MYO6: variants seen among roughly 807,000 people sequenced by gnomAD.
The protein encoded by MYO6 is unconventional myosin-VI.
A neutral mutation model predicts 178.7 loss-of-function variants in MYO6; 74 were observed. The ratio of observed to expected loss-of-function variants is 0.41; its 90% CI spans 0.34 to 0.50. The LOEUF (loss-of-function observed/expected upper bound fraction) is 0.50, where lower values mean the gene tolerates loss of function less well. Among genes scored for constraint, MYO6 ranks in the 20% least tolerant of loss-of-function variants. The pLI is 0.09. For synonymous variants in MYO6, 477 were observed against 504.6 expected (o/e 0.95, Z 0.73); for missense variants, 1,330 against 1,547.4 (o/e 0.86, Z 2.36).
At chr6:75,890,458 C>T (rs1460440459) in intron 26 of MYO6, among the ~76,000 whole-genome samples, 193 bp downstream of exon 26, 1 of 152,158 alleles carries the variant, frequency 6.6e-6, no homozygotes, top group African/African-American at 2.4e-5. Context: ...GATTTTCCTG[C>T]CTCAGCCTCC....
chr6:75,881,551 C>T (rs943806289), intron 22 of MYO6, 138 bp from the exon 23 acceptor site: 1 of 787,882 alleles, frequency 1.3e-6, no homozygotes, highest in Non-Finnish European at 2.0e-6. Context: ...GTTGTATTCT[C>T]TGCCAAGGCC....
At chr6:75,868,234 T>C (rs1776854938) in intron 18 of MYO6, among the ~76,000 whole-genome samples, 1 of 151,840 alleles carries the variant, frequency 6.6e-6, no homozygotes, top group Non-Finnish European at 1.5e-5. Context: ...CATTTTTAGG[T>C]AACTGAATAA....
intron 18 of MYO6, among the ~76,000 whole-genome samples, chr6:75,868,413 C>T (rs1776872821): frequency 6.6e-6 from 1 of 151,818 alleles, no homozygotes; most frequent in Non-Finnish European, 1.5e-5. Flanking sequence ...TCACTATTTT[C>T]CTACTCTAAT....
chr6:75,889,246 C>A (rs1477739462), intron 25 of MYO6, among the ~76,000 whole-genome samples: 1 of 152,094 alleles, frequency 6.6e-6, no homozygotes, highest in Non-Finnish European at 1.5e-5. Context: ...TATGTGGTAT[C>A]ATTATAAATT....
At chr6:75,776,225 C>T (rs1467811296) in intron 1 of MYO6, among the ~76,000 whole-genome samples, 1 of 151,964 alleles carries the variant, frequency 6.6e-6, no homozygotes, top group African/African-American at 2.4e-5. Flanking sequence ...ATAATTTTAT[C>T]CTGTGCACTG....
chr6:75,902,025 A>G (rs909623790), intron 30 of MYO6, among the ~76,000 whole-genome samples: 2 of 152,208 alleles, frequency 1.3e-5, no homozygotes, highest in Admixed American at 6.5e-5. Context: ...GCTGGCTTAC[A>G]TTTATTGATT....
chr6:75,803,478 T>G (rs1178705554), intron 1 of MYO6, among the ~76,000 whole-genome samples: 1 of 152,208 alleles, frequency 6.6e-6, no homozygotes. Flanking sequence ...TCAACTAGAC[T>G]TTCAGAAGGG....
intron 1 of MYO6, among the ~76,000 whole-genome samples, chr6:75,813,784 C>CA (rs970354563): frequency 7.9e-5 from 12 of 152,114 alleles, no homozygotes; most frequent in African/African-American, 2.9e-4. Context: ...TTCTTCCCCC[C>CA]AAATCAGTGA....
chr6:75,863,338 G>A (rs9360947), intron 16 of MYO6, among the ~76,000 whole-genome samples: 19,533 of 152,110 alleles, frequency 0.13, 1,326 homozygotes, highest in Non-Finnish European at 0.15. Flanking sequence ...TCTTTCCTAA[G>A]GAGTTTTGAG....
In MYO6 at chr6:75,844,989, C is replaced by A. The variant is rs1289011262; in HGVS notation, c.897+12C>A. On this transcript the variant is annotated intron_variant, in intron 10 of 34. Transcript: ENST00000369977. The stretch of plus-strand genomic sequence containing the variant: ...GCAAAAGTCCTGAGGTATAGTAGAC[C>A]ATTGTTCATAAAATCTTTAACTTAA... 18 of 1,591,780 alleles carry A rather than the reference C, an allele frequency of 1.1e-5. No individual in the cohort carries two copies. Among genetic ancestry groups the A allele is most frequent in the Non-Finnish European group, 1.5e-5 (18 of 1,161,340 alleles).
rs73751252 is a variant in MYO6 at position 75,757,412 on chromosome 6, T to C, written c.-48+7989T>C. Reference sequence around the variant, plus strand: ...ACACATATATATACACACACACACATAGAGACAGACTTCTGATGTTCTGCT... The same window carrying C: ...ACACATATATATACACACACACACACAGAGACAGACTTCTGATGTTCTGCT... On this transcript the variant is annotated intron_variant, in intron 1 of 34. Coordinates refer to ENST00000369977, the MANE Select transcript of MYO6 (RefSeq NM_004999.4). Among the ~76,000 whole-genome samples, 284 of 150,130 alleles carry C rather than the reference T, an allele frequency of 1.9e-3. 1 individual carries two copies. The highest frequency in any genetic ancestry group is 3.6e-3 in the South Asian group (17 of 4,714).
intron 16 of MYO6, 128 bp downstream of exon 16, chr6:75,862,851 A>G: frequency 9.4e-7 from 1 of 1,066,034 alleles, no homozygotes; most frequent in South Asian, 1.3e-5. Flanking sequence ...ACTATATTAT[A>G]TCCAGCACAG....
chr6:75,816,035 A>G (rs1292332836), intron 1 of MYO6, among the ~76,000 whole-genome samples: 1 of 152,222 alleles, frequency 6.6e-6, no homozygotes, highest in East Asian at 1.9e-4. Flanking sequence ...GTTAAATCTC[A>G]GAATGCTAAG....
intron 30 of MYO6, among the ~76,000 whole-genome samples, chr6:75,904,347 C>T (rs1414882592): frequency 3.3e-5 from 5 of 151,750 alleles, no homozygotes; most frequent in Non-Finnish European, 5.9e-5. Flanking sequence ...CCATTCTCCC[C>T]GTCACTTTCA....
chr6:75,802,153 A>G (rs1769531594), intron 1 of MYO6, among the ~76,000 whole-genome samples: 1 of 152,032 alleles, frequency 6.6e-6, no homozygotes, highest in South Asian at 2.1e-4. Flanking sequence ...AACTCCCTGT[A>G]AAAAGCATGT....
Position 75,848,612 on chromosome 6 carries a change from A to C in MYO6, c.1078+81A>C, listed in dbSNP as rs1056369022. The stretch of plus-strand genomic sequence containing the variant: ...TTTGTCATATGAAAATTGTCTCTTT[A>C]TATGCAGTTTGCTTAAAAACTTTAA... On this transcript the variant is annotated intron_variant, in intron 11 of 34. Coordinates refer to ENST00000369977, the MANE Select transcript of MYO6 (RefSeq NM_004999.4). 2.9e-5 allele frequency: 41 copies of C among 1,421,324 alleles called. No individual in the cohort carries two copies. In the African/African-American group the frequency reaches 5.8e-4, roughly 20 times the overall value. 88.0% of individuals were successfully genotyped at this position (1,421,324 alleles called of 1,614,324 possible).
chr6:75,795,781 C>A (rs1033549845), intron 1 of MYO6, among the ~76,000 whole-genome samples: 2 of 152,104 alleles, frequency 1.3e-5, no homozygotes, highest in Non-Finnish European at 2.9e-5. Flanking sequence ...TTTTACTAAT[C>A]CGGCACATTT....
chr6:75,856,990 T>C (rs1775772275), intron 12 of MYO6, 107 bp from the exon 13 acceptor site: 4 of 1,039,682 alleles, frequency 3.8e-6, no homozygotes, highest in Non-Finnish European at 5.8e-6. Context: ...TGACCTTTGG[T>C]AACTCTTTAT....
intron 10 of MYO6, among the ~76,000 whole-genome samples, chr6:75,847,693 A>C (rs1458623508): frequency 2.0e-5 from 3 of 152,080 alleles, no homozygotes; most frequent in African/African-American, 7.2e-5. Flanking sequence ...ATATATGCAT[A>C]TAAAAAGGTT....
Sources: gnomAD v4.1 joint callset for allele counts (sites outside exome capture counted in the v4.1 genomes callset) on GRCh38, gnomAD v4.1.1 for gene constraint, MANE v1.5 for transcripts, NCBI Gene and HGNC (gene_info 2026-07-23, HGNC 2026-07-21) for gene names.